COLEC12: variants seen among roughly 807,000 people sequenced by gnomAD.
COLEC12 encodes collectin-12.
Under a neutral mutation model 71.1 loss-of-function variants are expected in COLEC12, and 33 were observed. That is an observed-to-expected ratio of 0.46 (90% CI 0.35 to 0.62). The LOEUF is 0.62. Ranked by LOEUF, COLEC12 falls within the 20% of genes least tolerant of loss-of-function variation. The probability of loss-of-function intolerance (pLI) is 0.00; values close to 1 mark genes in which losing one functional copy is unlikely to be tolerated. For synonymous variants in COLEC12, 350 were observed against 353.0 expected, an observed-to-expected ratio of 0.99 and a Z score of 0.10; for missense variants, 765 against 916.1, an observed-to-expected ratio of 0.84 and a Z score of 2.13.
intron 2 of COLEC12, among the ~76,000 whole-genome samples, chr18:424,960 C>CG (rs1916170246): frequency 6.6e-6 from 1 of 152,062 alleles, no homozygotes; most frequent in Non-Finnish European, 1.5e-5. Context: ...GGAGGCGAGC[C>CG]GGGCGGCCTT....
chr18:435,257 A>G (rs528054777), intron 2 of COLEC12, among the ~76,000 whole-genome samples: 3 of 152,316 alleles, frequency 2.0e-5, no homozygotes, highest in Admixed American at 6.5e-5. Flanking sequence ...AAGACTGGGT[A>G]ATTTATAAAG....
At chr18:393,549 C>T (rs1428809653) in intron 2 of COLEC12, among the ~76,000 whole-genome samples, 1 of 152,174 alleles carries the variant, frequency 6.6e-6, no homozygotes, top group Admixed American at 6.5e-5. Flanking sequence ...CCCATCACAC[C>T]GACCTGCAAC....
Position 441,154 on chromosome 18 carries a change from A to G in COLEC12, c.58+39553T>C, listed in dbSNP as rs370684522. 8.6e-4 allele frequency among the ~76,000 whole-genome samples: 128 copies of G among 148,390 alleles called. 1 individual carries two copies. The Middle Eastern group carries it at 0.014, about 16-fold the overall frequency. The stretch of plus-strand genomic sequence containing the variant: ...TCCCAGCTGCTGGGGAGGCTGAGGC[A>G]GGAGAATGGCGTGAACCCGGGAGGC... On this transcript the variant is annotated intron_variant, in intron 2 of 9. Coordinates refer to ENST00000400256, the MANE Select transcript of COLEC12 (RefSeq NM_130386.3).
chr18:411,069 G>A (rs11661182), intron 2 of COLEC12, among the ~76,000 whole-genome samples: 41,464 of 151,906 alleles, frequency 0.27, 6,885 homozygotes, highest in South Asian at 0.53. Context: ...AGAACCACAC[G>A]GAGAGCTGGA....
chr18:420,886 T>TCTG (rs1555618912), intron 2 of COLEC12, among the ~76,000 whole-genome samples: 1 of 151,822 alleles, frequency 6.6e-6, no homozygotes, highest in Admixed American at 6.6e-5. Context: ...CCACACCTCC[T>TCTG]CTACCTGGCC....
At chr18:395,161 G>C (rs1324975243) in intron 2 of COLEC12, among the ~76,000 whole-genome samples, 2 of 152,226 alleles carry the variant, frequency 1.3e-5, no homozygotes, top group African/African-American at 4.8e-5. Flanking sequence ...GAAGAATGCA[G>C]CAGAAATTTA....
intron 2 of COLEC12, among the ~76,000 whole-genome samples, chr18:422,435 TC>T (rs1000232775): frequency 2.6e-5 from 4 of 152,128 alleles, no homozygotes; most frequent in African/African-American, 9.7e-5. Context: ...ATTGACTGAT[TC>T]CCCTATTTGT....
chr18:459,073 G>A lies in COLEC12; in HGVS notation c.58+21634C>T, dbSNP rs142959232. On this transcript the variant is annotated intron_variant, in intron 2 of 9. Coordinates refer to ENST00000400256, the MANE Select transcript of COLEC12 (RefSeq NM_130386.3). Reference sequence around the variant, plus strand: ...TCCCTGTGTTGTCCAGGCTGGTCTCGAACTCCTGGACTCAAGCTATCCTCC... The same window carrying A: ...TCCCTGTGTTGTCCAGGCTGGTCTCAAACTCCTGGACTCAAGCTATCCTCC... Among the ~76,000 whole-genome samples, 548 of 152,206 alleles carry A rather than the reference G, an allele frequency of 3.6e-3. 7 individuals are homozygous for A. The highest frequency in any genetic ancestry group is 0.012 in the African/African-American group (516 of 41,530).
At chr18:420,522 A>G (rs1438194759) in intron 2 of COLEC12, among the ~76,000 whole-genome samples, 4 of 152,150 alleles carry the variant, frequency 2.6e-5, no homozygotes, top group Non-Finnish European at 4.4e-5. Flanking sequence ...AAATTCTAAA[A>G]AGCGATAAAA....
chr18:352,755 T>C (rs1914552026), intron 3 of COLEC12, among the ~76,000 whole-genome samples: 2 of 152,216 alleles, frequency 1.3e-5, no homozygotes, highest in African/African-American at 4.8e-5. Flanking sequence ...AGCACTTTCA[T>C]TGACTTTTAT....
chr18:430,508 C>T (rs1413054711), intron 2 of COLEC12, among the ~76,000 whole-genome samples: 1 of 152,078 alleles, frequency 6.6e-6, no homozygotes, highest in East Asian at 1.9e-4. Flanking sequence ...TTCACTTATA[C>T]AGTAAATTTA....
intron 2 of COLEC12, among the ~76,000 whole-genome samples, chr18:432,558 A>T (rs1394948559): frequency 1.3e-5 from 2 of 152,210 alleles, no homozygotes; most frequent in African/African-American, 4.8e-5. Flanking sequence ...TGGGTGTATC[A>T]TGAATTTTGC....
chr18:350,177 A>G (rs1914479229), intron 3 of COLEC12, among the ~76,000 whole-genome samples: 1 of 152,186 alleles, frequency 6.6e-6, no homozygotes, highest in Non-Finnish European at 1.5e-5. Flanking sequence ...TGTGGGAAGG[A>G]CCCAGTGGGA....
At chr18:332,016 C>T (rs900366542) in intron 7 of COLEC12, among the ~76,000 whole-genome samples, 2 of 152,312 alleles carry the variant, frequency 1.3e-5, no homozygotes, top group Non-Finnish European at 2.9e-5. Flanking sequence ...GGCTCTTCCT[C>T]TAAATCACTC....
At chr18:491,665 A>G (rs770946967) in intron 1 of COLEC12, among the ~76,000 whole-genome samples, 20 of 152,312 alleles carry the variant, frequency 1.3e-4, no homozygotes, top group South Asian at 6.2e-4. Flanking sequence ...TGAGGTGACT[A>G]TTTGGGGGAA....
At chr18:427,710 T>C (rs1337856352) in intron 2 of COLEC12, among the ~76,000 whole-genome samples, 1 of 152,150 alleles carries the variant, frequency 6.6e-6, no homozygotes, top group Non-Finnish European at 1.5e-5. Flanking sequence ...CAAATGTGCA[T>C]TGAATTGAAT....
chr18:439,958 T>C (rs1037694486), intron 2 of COLEC12, among the ~76,000 whole-genome samples: 1 of 149,658 alleles, frequency 6.7e-6, no homozygotes, highest in Admixed American at 6.8e-5. Flanking sequence ...CATTGACACA[T>C]TCGTGGGTAA....
intron 2 of COLEC12, among the ~76,000 whole-genome samples, chr18:374,867 G>A (rs937214690): frequency 3.1e-4 from 47 of 152,184 alleles, no homozygotes; most frequent in Non-Finnish European, 6.5e-4. Context: ...GCATCATCAA[G>A]ACGATCCAGT....
chr18:461,693 ATT>A (rs36064555), intron 2 of COLEC12, among the ~76,000 whole-genome samples: 1 of 151,568 alleles, frequency 6.6e-6, no homozygotes, highest in East Asian at 1.9e-4. Context: ...CGGCTAAGAG[ATT>A]TTTTTTTTCT....
Sources: gnomAD v4.1 joint callset for allele counts (sites outside exome capture counted in the v4.1 genomes callset) on GRCh38, gnomAD v4.1.1 for gene constraint, MANE v1.5 for transcripts, NCBI Gene and HGNC (gene_info 2026-07-23, HGNC 2026-07-21) for gene names.